Variants in COASY observed in about 807,000 individuals in gnomAD.
COASY encodes Coenzyme A synthase, also known as bifunctional coenzyme A synthase.
COASY carries 31 observed loss-of-function variants against 49.4 expected under a neutral mutation model. That is an observed-to-expected ratio of 0.63 (90% CI 0.47 to 0.85). The LOEUF is 0.85. COASY is among the 40% of genes least tolerant of loss of function. The pLI is 0.00. For missense variants in COASY, 730 were observed against 734.1 expected, an observed-to-expected ratio of 0.99 and a Z score of 0.06; for synonymous variants, 285 against 310.9, an observed-to-expected ratio of 0.92 and a Z score of 0.88.
intron 3 of COASY, 62 bp downstream of exon 3, chr17:42,564,639 T>A: frequency 1.3e-6 from 2 of 1,556,138 alleles, no homozygotes; most frequent in Non-Finnish European, 1.7e-6. Flanking sequence ...GAGTAGAAGC[T>A]GAGGGGCTCA....
In COASY at chr17:42,563,066, C is replaced by G. The variant is rs142297801; in HGVS notation, c.444C>G (p.Ala148=). 335 of 1,614,160 alleles carry G rather than the reference C, an allele frequency of 2.1e-4. No homozygotes were observed. In the Middle Eastern group the frequency reaches 3.3e-3, roughly 16 times the overall value. ...TSCYSCCPRL[A]SVLLYSDYGI... is the part of the protein sequence containing the mutation. The stretch of plus-strand genomic sequence containing the variant: ...GTTACAGCTGTTGTCCGCGACTGGC[C>G]TCGGTGCTGCTATACTCCGATTATG... The change falls in exon 1 of 9, where the codon GCC becomes GCG. Residue 148 remains alanine (A), a synonymous_variant. Coordinates refer to ENST00000393818, the MANE Select transcript of COASY (RefSeq NM_025233.7).
chr17:42,563,832 C>T (rs1350800667), intron 1 of COASY, 129 bp from the exon 2 acceptor site: 2 of 669,914 alleles, frequency 3.0e-6, no homozygotes, highest in Non-Finnish European at 5.2e-6. Flanking sequence ...TCACCATAGG[C>T]CTTACCAGTT....
rs760922962 is a variant in COASY at position 42,565,322 on chromosome 17, G to A, written c.1387+11G>A. The A allele has an allele frequency of 1.2e-6, 2 of 1,613,836 alleles. No homozygotes were observed. The highest frequency in any genetic ancestry group is 1.7e-6 in the Non-Finnish European group (2 of 1,179,840). ...GGGCTGTGGCTGAGGGTGAGTGGGA[G>A]GGAGGATGGCAACAGCTAAGGGGAC... On this transcript the variant is annotated intron_variant, in intron 6 of 8. Coordinates refer to ENST00000393818, the MANE Select transcript of COASY (RefSeq NM_025233.7).
rs887287458 is a variant in COASY at position 42,562,354 on chromosome 17, A to G, written c.-269A>G. 1.5e-5 allele frequency: 22 copies of G among 1,511,998 alleles called. No individual in the cohort carries two copies. The highest frequency in any genetic ancestry group is 1.8e-5 in the Non-Finnish European group (20 of 1,088,942). The allele number at this position is 1,511,998 out of a possible 1,614,324, so 93.7% of individuals were successfully genotyped here. On this transcript the variant is annotated 5_prime_UTR_variant, in exon 1 of 9. Coordinates refer to ENST00000393818, the MANE Select transcript of COASY (RefSeq NM_025233.7). ...AGCCCTGTGACAAGGGTTCCTGTCC[A>G]GTTTCCCCCTCCCAGGATTTCGACT...
At position 42,565,557 on chromosome 17, in the gene COASY, C is replaced by T. The variant is rs770033307; in HGVS notation, c.1474C>T (p.Pro492Ser). ...LVHEVWTAVI[P>S]ETEAVRRIVE... ...CCATGAGGTGTGGACTGCTGTCATCCCAGAGACTGAGGTATCTCGCCCCAC... is the reference window on the plus strand; with the variant it reads ...CCATGAGGTGTGGACTGCTGTCATCTCAGAGACTGAGGTATCTCGCCCCAC... Residue 492 changes from proline to serine, a missense_variant, in exon 7 of 9, where the codon CCA (proline) becomes TCA (serine). Transcript: ENST00000393818. 1.9e-6 allele frequency: 3 copies of T among 1,614,154 alleles called. No individual in the cohort carries two copies. The highest frequency in any genetic ancestry group is 2.5e-6 in the Non-Finnish European group (3 of 1,179,998).
chr17:42,564,719 A>G lies in COASY; in HGVS notation c.1058A>G (p.Glu353Gly). The change falls in exon 4 of 9, where the codon GAG becomes GGG. Residue 353 changes from glutamate (E) to glycine (G), a missense_variant. By Grantham distance (98) the Glu-to-Gly change is moderately conservative. Transcript: ENST00000393818. The stretch of plus-strand genomic sequence containing the variant: ...TTCACCTATCCCCAGGAAAGGCCAG[A>G]GCTCCCCACATGTCTCTATGTAATT... ...NLLRPPYERPELPTCLYVIGL... is the reference protein window; with the variant it reads ...NLLRPPYERPGLPTCLYVIGL... 2 of 1,526,372 alleles carry G rather than the reference A, an allele frequency of 1.3e-6. No homozygotes were observed. The highest frequency in any genetic ancestry group is 1.4e-5 in the African/African-American group (1 of 71,896). The allele number at this position is 1,526,372 out of a possible 1,614,324, so 94.6% of individuals were successfully genotyped here. A position where few individuals can be genotyped will look rare whatever the true frequency, so the allele number is the denominator to read the frequency against.
Position 42,562,266 on chromosome 17 carries a change from C to G in COASY, c.-357C>G, listed in dbSNP as rs2092978338. On this transcript the variant is annotated 5_prime_UTR_variant, in exon 1 of 9. Coordinates refer to ENST00000393818, the MANE Select transcript of COASY (RefSeq NM_025233.7). ...GCTTTAGCGTCCCCCTTTAGCCTCC[C>G]TCTTCGATTCCTTGAAGACCCTGGT... The G allele has an allele frequency of 3.0e-6, 2 of 676,286 alleles. No individual in the cohort carries two copies. Among genetic ancestry groups the G allele is most frequent in the Admixed American group, 5.5e-5 (2 of 36,502 alleles). 41.9% of individuals were successfully genotyped at this position (676,286 alleles called of 1,614,324 possible). A position where few individuals can be genotyped will look rare whatever the true frequency, so the allele number is the denominator to read the frequency against.
intron 8 of COASY, 50 bp downstream of exon 8, chr17:42,565,855 T>C (rs1378073128): frequency 6.2e-7 from 1 of 1,613,890 alleles, no homozygotes; most frequent in Non-Finnish European, 8.5e-7. Context: ...CTCCAGTGGG[T>C]ACTGCCTGAC....
Position 42,562,392 on chromosome 17 carries a change from G to T in COASY, c.-231G>T, listed in dbSNP as rs745907150. On this transcript the variant is annotated 5_prime_UTR_variant, in exon 1 of 9. Coordinates refer to ENST00000393818, the MANE Select transcript of COASY (RefSeq NM_025233.7). ...CAGGATTTCGACTCAGTTCAGCGAAGTCACCGCCCCGTCTGAGAAATGAGG... is the reference window on the plus strand; with the variant it reads ...CAGGATTTCGACTCAGTTCAGCGAATTCACCGCCCCGTCTGAGAAATGAGG... 6.2e-7 allele frequency: 1 copy of T among 1,613,248 alleles called. No individual in the cohort carries two copies. Among genetic ancestry groups the T allele is most frequent in the Non-Finnish European group, 8.5e-7 (1 of 1,179,302 alleles).
Position 42,562,837 on chromosome 17 carries a change from A to G in COASY, c.215A>G (p.Tyr72Cys), listed in dbSNP as rs1435541208. 23 of 1,613,244 alleles carry G rather than the reference A, an allele frequency of 1.4e-5. No individual in the cohort carries two copies. The highest frequency in any genetic ancestry group is 6.7e-5 in the African/African-American group (5 of 74,924). Residue 72 changes from tyrosine to cysteine, a missense_variant, in exon 1 of 9, where the codon TAT becomes TGT. Transcript: ENST00000393818. ...GTTCTTGATTTCATCACGCACCTCTATGCTGGCGCCGACGTCCACAGGCAC... is the reference window on the plus strand; with the variant it reads ...GTTCTTGATTTCATCACGCACCTCTGTGCTGGCGCCGACGTCCACAGGCAC... ...FEVLDFITHL[Y>C]AGADVHRHLD...
intron 2 of COASY, 86 bp downstream of exon 2, chr17:42,564,261 CAGAGG>C: frequency 6.8e-7 from 1 of 1,476,278 alleles, no homozygotes; most frequent in Non-Finnish European, 9.4e-7. Flanking sequence ...ACCATGGCCC[CAGAGG>C]AGAGAAGTGG....
chr17:42,563,160 G>C lies in COASY; in HGVS notation c.538G>C (p.Val180Leu). 1 of 1,613,928 alleles carries C rather than the reference G, an allele frequency of 6.2e-7. No individual in the cohort carries two copies. Among genetic ancestry groups the C allele is most frequent in the Non-Finnish European group, 8.5e-7 (1 of 1,180,012 alleles). ...CTCCACGATCAGGCCAGCTTCCCCC[G>C]TGGCCGGGTCTCCAAAGCAGCCGGT... ...LPSTIRPASP[V>L]AGSPKQPVRG... The change falls in exon 1 of 9, where the codon GTG becomes CTG. Residue 180 changes from valine to leucine, a missense_variant. By Grantham distance (32) the Val-to-Leu change is conservative (BLOSUM62 1). Transcript: ENST00000393818.
In COASY at chr17:42,565,669, G is replaced by A. The variant is rs545238488; in HGVS notation, c.1496G>A (p.Arg499His). 3.1e-6 allele frequency: 5 copies of A among 1,614,102 alleles called. No homozygotes were observed. Among genetic ancestry groups the A allele is most frequent in the East Asian group, 2.2e-5 (1 of 44,888 alleles). Residue 499 changes from arginine to histidine, a missense_variant, in exon 8 of 9, where the codon CGC becomes CAC. Coordinates refer to ENST00000393818, the MANE Select transcript of COASY (RefSeq NM_025233.7). ...AVIPETEAVR[R>H]IVERDGLSEA... ...CTCGTCTGTGCTCAGGCTGTAAGAC[G>A]CATTGTGGAGAGGGATGGCCTCAGT...
rs547644095 is a variant in COASY at position 42,565,937 on chromosome 17, G to T, written c.1664G>T (p.Arg555Leu). 1.2e-6 allele frequency: 2 copies of T among 1,613,876 alleles called. No individual in the cohort carries two copies. Among genetic ancestry groups the T allele is most frequent in the Non-Finnish European group, 1.7e-6 (2 of 1,180,034 alleles). ...VEKAWALLQK[R>L]IPKTHQALD ...AAAGCCTGGGCCCTCTTGCAGAAGC[G>T]CATTCCCAAGACTCATCAGGCCCTC... Residue 555 changes from arginine to leucine, a missense_variant, in exon 9 of 9, where the codon CGC (arginine) becomes CTC (leucine). Arg to Leu is a moderately radical substitution (Grantham distance 102). Coordinates refer to ENST00000393818, the MANE Select transcript of COASY (RefSeq NM_025233.7).
rs2093003719 is a variant in COASY at position 42,566,124 on chromosome 17, C to T, written c.*156C>T. On this transcript the variant is annotated 3_prime_UTR_variant, in exon 9 of 9. Coordinates refer to ENST00000393818, the MANE Select transcript of COASY (RefSeq NM_025233.7). Reference sequence around the variant, plus strand: ...GGCCTGGTGGACACAGGAAGCCTACCCAACACGCTGGTATTTGGCCAACAC... The same window carrying T: ...GGCCTGGTGGACACAGGAAGCCTACTCAACACGCTGGTATTTGGCCAACAC... The T allele has an allele frequency of 2.7e-6, 2 of 731,600 alleles. No individual in the cohort carries two copies. The highest frequency in any genetic ancestry group is 2.3e-6 in the Non-Finnish European group (1 of 439,326). 45.3% of individuals were successfully genotyped at this position (731,600 alleles called of 1,614,324 possible).
In COASY at chr17:42,564,957, CTCAGT is replaced by C. The variant is rs1275775196; in HGVS notation, c.1238-24_1238-20del. 6.2e-7 allele frequency: 1 copy of C among 1,614,102 alleles called. No homozygotes were observed. The highest frequency in any genetic ancestry group is 1.1e-5 in the South Asian group (1 of 91,084). On this transcript the variant is annotated intron_variant, in intron 4 of 8. Coordinates refer to ENST00000393818, the MANE Select transcript of COASY (RefSeq NM_025233.7). ...GTGAGGAGCTAGCCAGGCCTCTGTG[CTCAGT>C]TGTCTGTCTGTGTTGTCCAGATATT...
rs775254407 is a variant in COASY, at chr17:42,565,242, C to T, written c.1318C>T (p.Leu440Phe). The change falls in exon 6 of 9, where the codon CTC (leucine) becomes TTC (phenylalanine). Residue 440 changes from leucine to phenylalanine, a missense_variant. By Grantham distance (22) the Leu-to-Phe change is conservative. Transcript: ENST00000393818. The part of the protein sequence containing the change: ...VFGNKKQLKI[L>F]TDIMWPIIAK... ...CCCTCCCCAGAAGCAGCTGAAGATA[C>T]TCACGGACATTATGTGGCCAATTAT... 1.2e-6 allele frequency: 2 copies of T among 1,614,082 alleles called. No homozygotes were observed.
chr17:42,562,684 G>C lies in COASY; in HGVS notation c.62G>C (p.Arg21Pro). ...ACGCCGCTGGCCTCCCTAGCCCCTC[G>C]CCTGGCCTCCATCCTGACCTCGGCG... ...LTTPLASLAP[R>P]LASILTSAAR... is the part of the protein sequence containing the mutation. Residue 21 changes from arginine to proline, a missense_variant, in exon 1 of 9, where the codon CGC becomes CCC. By Grantham distance (103) the Arg-to-Pro change is moderately radical. Coordinates refer to ENST00000393818, the MANE Select transcript of COASY (RefSeq NM_025233.7). The C allele has an allele frequency of 6.5e-7, 1 of 1,543,096 alleles. No homozygotes were observed. The highest frequency in any genetic ancestry group is 1.4e-5 in the African/African-American group (1 of 73,116).
Position 42,565,051 on chromosome 17 carries a change from A to G in COASY, c.1302+4A>G, listed in dbSNP as rs1328837938. The G allele has an allele frequency of 3.1e-6, 5 of 1,613,978 alleles. No homozygotes were observed. The highest frequency in any genetic ancestry group is 4.2e-6 in the Non-Finnish European group (5 of 1,179,938). ...CAGCCGGGTGTTTGGGAATAAGGTA[A>G]ACAATAACTTCCTAAGGGCTCCTAA... On this transcript the variant is annotated splice_donor_region_variant and intron_variant, in intron 5 of 8. Transcript: ENST00000393818.
Sources: allele counts gnomAD v4.1 joint callset, GRCh38; gene constraint gnomAD v4.1.1; transcripts MANE v1.5; gene names NCBI Gene and HGNC (gene_info 2026-07-23, HGNC 2026-07-21).